Variants in PRRC1 observed in about 807,000 individuals in gnomAD.
PRRC1 encodes protein PRRC1.
A neutral mutation model predicts 40.7 loss-of-function variants in PRRC1; 39 were observed. The ratio of observed to expected loss-of-function variants is 0.96; its 90% confidence interval spans 0.74 to 1.25. The LOEUF is 1.25. Ranked by LOEUF, PRRC1 falls within the 50% of genes most tolerant of loss-of-function variation. The probability of loss-of-function intolerance (pLI) is 0.00; values close to 1 mark genes in which losing one functional copy is unlikely to be tolerated. For synonymous variants in PRRC1, 175 were observed against 193.3 expected (o/e 0.91, Z 0.79); for missense variants, 573 against 548.3 (o/e 1.05, Z -0.45).
intron 1 of PRRC1, among the ~76,000 whole-genome samples, chr5:127,522,732 A>G (rs1767492376): frequency 6.6e-6 from 1 of 151,836 alleles, no homozygotes; most frequent in African/African-American, 2.4e-5. Context: ...TATACACAGT[A>G]CTTTATGAGA....
Position 127,552,786 on chromosome 5 carries a change from GA to G in PRRC1, c.*871del, listed in dbSNP as rs1401407580. The G allele has an allele frequency of 4.6e-5, 45 of 985,418 alleles. No homozygotes were observed. The East Asian group carries it at 4.4e-3, about 97-fold the overall frequency. 61.0% of individuals were successfully genotyped at this position (985,418 alleles called of 1,614,324 possible). A position where few individuals can be genotyped will look rare whatever the true frequency, so the allele number is the denominator to read the frequency against. ...CACATTTTAATACAGAAATTTTTGA[GA>G]GGGGGTTACTTTATTGCTTGTGGGT... On this transcript the variant is annotated 3_prime_UTR_variant, in exon 9 of 9. Transcript: ENST00000296666.
intron 3 of PRRC1, among the ~76,000 whole-genome samples, chr5:127,525,452 T>C (rs1164527460): frequency 6.6e-6 from 1 of 152,222 alleles, no homozygotes; most frequent in Non-Finnish European, 1.5e-5. Flanking sequence ...TTTTCCACTT[T>C]TTGGCTATTT....
chr5:127,524,514 T>G lies in PRRC1; in HGVS notation c.104-17T>G. ...CATTTCTAATTCTGTGCTTTTATCC[T>G]CTCCACTTTTTTCTAGCGGCAACCA... On this transcript the variant is annotated splice_polypyrimidine_tract_variant and intron_variant, in intron 2 of 8. Coordinates refer to ENST00000296666, the MANE Select transcript of PRRC1 (RefSeq NM_130809.5). 6.3e-7 allele frequency: 1 copy of G among 1,582,726 alleles called. No individual in the cohort carries two copies. Among genetic ancestry groups the G allele is most frequent in the Non-Finnish European group, 8.6e-7 (1 of 1,162,602 alleles).
chr5:127,539,211 G>A, intron 7 of PRRC1, 68 bp downstream of exon 7: 4 of 1,141,256 alleles, frequency 3.5e-6, no homozygotes, highest in East Asian at 2.4e-5. Flanking sequence ...TGAATACTTA[G>A]CAAAAAGTGT....
chr5:127,546,849 C>A (rs1768237028), intron 7 of PRRC1, among the ~76,000 whole-genome samples: 1 of 152,050 alleles, frequency 6.6e-6, no homozygotes. Context: ...TAGTAAAATA[C>A]AAAATATCTA....
At position 127,553,591 on chromosome 5, in the gene PRRC1, A is replaced by G. The variant is rs961417418; in HGVS notation, c.*1675A>G. 9 of 1,311,762 alleles carry G rather than the reference A, an allele frequency of 6.9e-6. No individual in the cohort carries two copies. The Admixed American group carries it at 2.7e-4, about 40-fold the overall frequency. The allele number at this position is 1,311,762 out of a possible 1,614,324, so 81.3% of individuals were successfully genotyped here. On this transcript the variant is annotated 3_prime_UTR_variant, in exon 9 of 9. Coordinates refer to ENST00000296666, the MANE Select transcript of PRRC1 (RefSeq NM_130809.5). ...ATTTTATCATGGCAATGGCATGATG[A>G]CAACAACAGTCTTTCATTACAGACT...
rs1281992387 is a variant in PRRC1, at chr5:127,554,841, C to T, written c.*2925C>T. 6.6e-6 allele frequency: 1 copy of T among 152,562 alleles called. No homozygotes were observed. The highest frequency in any genetic ancestry group is 2.4e-5 in the African/African-American group (1 of 41,444). The allele number at this position is 152,562 out of a possible 1,614,324, so 9.5% of individuals were successfully genotyped here. ...GGGTTAACTAAATTACTTTAATATG[C>T]TGTTGAATCTACTCTGTTCCTTGGC... On this transcript the variant is annotated 3_prime_UTR_variant, in exon 9 of 9. Transcript: ENST00000296666.
At chr5:127,531,407 G>GT (rs1257523581) in intron 5 of PRRC1, among the ~76,000 whole-genome samples, 1 of 152,014 alleles carries the variant, frequency 6.6e-6, no homozygotes, top group East Asian at 1.9e-4. Flanking sequence ...CTTTGTGTTT[G>GT]TAACTGTCCA....
chr5:127,552,572 C>A lies in PRRC1; in HGVS notation c.*656C>A. 1.0e-6 allele frequency: 1 copy of A among 985,350 alleles called. No individual in the cohort carries two copies. Among genetic ancestry groups the A allele is most frequent in the Non-Finnish European group, 1.2e-6 (1 of 829,444 alleles). The allele number at this position is 985,350 out of a possible 1,614,324, so 61.0% of individuals were successfully genotyped here. A position where few individuals can be genotyped will look rare whatever the true frequency, so the allele number is the denominator to read the frequency against. On this transcript the variant is annotated 3_prime_UTR_variant, in exon 9 of 9. Transcript: ENST00000296666. ...TTTAAACATAACTTTTGGCATTTCC[C>A]AGATTTATACTATGAACATTGGGGT...
At chr5:127,546,285 A>G (rs1046615606) in intron 7 of PRRC1, among the ~76,000 whole-genome samples, 1 of 152,216 alleles carries the variant, frequency 6.6e-6, no homozygotes, top group Admixed American at 6.5e-5. Context: ...GAATGCCTGT[A>G]TCTTTAAATG....
At chr5:127,547,523 C>T (rs113337460) in intron 7 of PRRC1, among the ~76,000 whole-genome samples, 149 of 152,050 alleles carry the variant, frequency 9.8e-4, no homozygotes, top group African/African-American at 3.4e-3. Flanking sequence ...TTACCTGTTG[C>T]ATATTTGAGT....
At chr5:127,518,458 A>AT (rs1767373268) in intron 1 of PRRC1, among the ~76,000 whole-genome samples, 1 of 152,222 alleles carries the variant, frequency 6.6e-6, no homozygotes, top group African/African-American at 2.4e-5. Context: ...TGTTTTTGTC[A>AT]TTCGAAGTAG....
chr5:127,523,186 A>T (rs889456545), intron 1 of PRRC1, among the ~76,000 whole-genome samples: 4 of 152,200 alleles, frequency 2.6e-5, no homozygotes, highest in Admixed American at 1.3e-4. Flanking sequence ...AATGTAGTAG[A>T]TAATTAGTTA....
In PRRC1 at chr5:127,551,784, G is replaced by C; in HGVS notation, c.1206G>C (p.Lys402Asn). The C allele has an allele frequency of 1.9e-6, 3 of 1,614,122 alleles. No individual in the cohort carries two copies. Among genetic ancestry groups the C allele is most frequent in the South Asian group, 1.1e-5 (1 of 91,080 alleles). Residue 402 changes from lysine to asparagine, a missense_variant, in exon 9 of 9, where the codon AAG (lysine) becomes AAC (asparagine). Lys to Asn is a moderately conservative substitution (Grantham distance 94, BLOSUM62 0). Coordinates refer to ENST00000296666, the MANE Select transcript of PRRC1 (RefSeq NM_130809.5). ...LLVTVGEVLEKSLLNVSRTDW... is the reference protein window; with the variant it reads ...LLVTVGEVLENSLLNVSRTDW... ...TGACAGTGGGTGAAGTCCTGGAAAA[G>C]AGTTTACTGAATGTCAGCCGGACTG...
chr5:127,528,322 T>C (rs922488715), intron 4 of PRRC1, among the ~76,000 whole-genome samples: 11 of 152,130 alleles, frequency 7.2e-5, no homozygotes, highest in Admixed American at 7.2e-4. Context: ...TCTTTTCTTT[T>C]CTCTTTTTTG....
At chr5:127,536,433 A>G (rs1361094153) in intron 6 of PRRC1, among the ~76,000 whole-genome samples, 3 of 152,150 alleles carry the variant, frequency 2.0e-5, no homozygotes, top group East Asian at 1.9e-4. Context: ...AACAAGTCAC[A>G]TACTTAGATT....
chr5:127,531,509 G>A (rs949183755), intron 5 of PRRC1, among the ~76,000 whole-genome samples: 3 of 151,936 alleles, frequency 2.0e-5, no homozygotes, highest in Non-Finnish European at 2.9e-5. Context: ...TATTTTTGGA[G>A]CTTTTGCTGT....
chr5:127,548,349 C>G (rs1768283039), intron 8 of PRRC1: 1 of 276,400 alleles, frequency 3.6e-6, no homozygotes, highest in East Asian at 7.8e-5. Context: ...CATTAGAAAC[C>G]TTATAGGCAC....
At chr5:127,543,850 T>C (rs1390473335) in intron 7 of PRRC1, among the ~76,000 whole-genome samples, 1 of 152,280 alleles carries the variant, frequency 6.6e-6, no homozygotes, top group Admixed American at 6.5e-5. Context: ...AGTTTGATCA[T>C]CTGAAGCCTT....
Sources: allele counts gnomAD v4.1 joint callset (sites outside exome capture counted in the v4.1 genomes callset), GRCh38; gene constraint gnomAD v4.1.1; transcripts MANE v1.5; gene names NCBI Gene and HGNC (gene_info 2026-07-23, HGNC 2026-07-21).